FHIT: variants seen among roughly 807,000 people sequenced by gnomAD.
FHIT encodes the protein bis(5'-adenosyl)-triphosphatase.
A neutral mutation model predicts 17.9 loss-of-function variants in FHIT; 19 were observed. The observed-to-expected ratio is 1.06, with a 90% CI of 0.74 to 1.56. The LOEUF is 1.56. Ranked by LOEUF, FHIT falls within the 40% of genes most tolerant of loss-of-function variation. FHIT has a pLI of 0.00. For synonymous variants in FHIT, 81 were observed against 69.7 expected (o/e 1.16, Z -0.81); for missense variants, 248 against 189.2 (o/e 1.31, Z -1.82).
At chr3:61,065,936 C>A (rs756730516) in intron 2 of FHIT, among the ~76,000 whole-genome samples, 1 of 152,104 alleles carries the variant, frequency 6.6e-6, no homozygotes, top group Non-Finnish European at 1.5e-5. Flanking sequence ...CTTTGTGCCG[C>A]TATAACAGGA....
At chr3:60,344,356 A>G (rs1017173876) in intron 5 of FHIT, among the ~76,000 whole-genome samples, 2 of 152,236 alleles carry the variant, frequency 1.3e-5, no homozygotes, top group African/African-American at 4.8e-5. Flanking sequence ...ATAGCAATCT[A>G]GAAGAGTGAA....
intron 5 of FHIT, among the ~76,000 whole-genome samples, chr3:60,475,617 C>T (rs780720433): frequency 3.3e-5 from 5 of 152,178 alleles, no homozygotes; most frequent in Non-Finnish European, 5.9e-5. Flanking sequence ...GTTTTGTCAT[C>T]ACTTTGATAC....
At chr3:60,936,495 T>C (rs2107391524) in intron 3 of FHIT, among the ~76,000 whole-genome samples, 1 of 152,346 alleles carries the variant, frequency 6.6e-6, no homozygotes, top group African/African-American at 2.4e-5. Flanking sequence ...TGAAGCTCTA[T>C]ATGTAAAATG....
At chr3:60,364,906 G>A (rs1235071480) in intron 5 of FHIT, among the ~76,000 whole-genome samples, 1 of 152,052 alleles carries the variant, frequency 6.6e-6, no homozygotes, top group Non-Finnish European at 1.5e-5. Flanking sequence ...CTGGTTCTTG[G>A]ACCTTGGGCC....
At chr3:60,304,992 C>T (rs932273) in intron 5 of FHIT, among the ~76,000 whole-genome samples, 67,559 of 151,994 alleles carry the variant, frequency 0.44, 16,370 homozygotes, top group East Asian at 0.84. Context: ...AGGATACAGA[C>T]ATTGAATGTA....
intron 5 of FHIT, among the ~76,000 whole-genome samples, chr3:60,268,135 A>G (rs759551477): frequency 2.6e-5 from 4 of 152,160 alleles, no homozygotes; most frequent in African/African-American, 4.8e-5. Flanking sequence ...GGTAACTACA[A>G]AAAGCTTTTC....
chr3:60,116,027 G>C (rs1704942322), intron 5 of FHIT, among the ~76,000 whole-genome samples: 1 of 152,030 alleles, frequency 6.6e-6, no homozygotes, highest in Non-Finnish European at 1.5e-5. Flanking sequence ...TAATAAATTG[G>C]AAGTGTATTA....
chr3:60,619,230 T>C (rs1212648719), intron 4 of FHIT, among the ~76,000 whole-genome samples: 2 of 152,182 alleles, frequency 1.3e-5, no homozygotes, highest in African/African-American at 4.8e-5. Flanking sequence ...TCACTGTCGT[T>C]GTTTACAATA....
rs148269801 is a variant in FHIT at position 60,057,603 on chromosome 3, C to T, written c.104-43451G>A. Among the ~76,000 whole-genome samples the T allele has an allele frequency of 9.4e-4, 142 of 151,742 alleles. 1 individual carries two copies. Among genetic ancestry groups the T allele is most frequent in the African/African-American group, 3.2e-3 (133 of 41,336 alleles). On this transcript the variant is annotated intron_variant, in intron 5 of 9. Coordinates refer to ENST00000492590, the MANE Select transcript of FHIT (RefSeq NM_002012.4). ...TCCCATAGATAGTTTTTTGGATAGA[C>T]GTAGAAATTGACCTTTGTGGTCTTA...
intron 5 of FHIT, among the ~76,000 whole-genome samples, chr3:60,215,116 G>A (rs1035599450): frequency 1.3e-5 from 2 of 151,824 alleles, no homozygotes; most frequent in African/African-American, 4.8e-5. Flanking sequence ...AAGCTTCAGC[G>A]ACACTCAGTT....
chr3:59,902,052 A>T (rs1479842480), intron 8 of FHIT, among the ~76,000 whole-genome samples: 1 of 152,206 alleles, frequency 6.6e-6, no homozygotes, highest in African/African-American at 2.4e-5. Context: ...TATATCAGAC[A>T]GGGGATTAAA....
At chr3:60,262,103 G>T (rs1264561893) in intron 5 of FHIT, among the ~76,000 whole-genome samples, 1 of 151,992 alleles carries the variant, frequency 6.6e-6, no homozygotes, top group Non-Finnish European at 1.5e-5. Context: ...AAATAAAGTT[G>T]TATGTTTTTC....
intron 5 of FHIT, among the ~76,000 whole-genome samples, chr3:60,276,008 G>C (rs1236588336): frequency 1.4e-5 from 2 of 143,312 alleles, no homozygotes; most frequent in African/African-American, 5.2e-5. Flanking sequence ...TTTTTTTTGA[G>C]ATGGAGTCTC....
At position 60,448,426 on chromosome 3, in the gene FHIT, AAAAG is replaced by A. The variant is rs1459262393; in HGVS notation, c.103+88430_103+88433del. On this transcript the variant is annotated intron_variant, in intron 5 of 9. Coordinates refer to ENST00000492590, the MANE Select transcript of FHIT (RefSeq NM_002012.4). Reference sequence around the variant, plus strand: ...GGTATCAACTGATGTCCAAAAAATAAAAAGAAGAGCATTTTCTGTATGTGGTAGG... The same window carrying A: ...GGTATCAACTGATGTCCAAAAAATAAAAGAGCATTTTCTGTATGTGGTAGG... Among the ~76,000 whole-genome samples, 11 of 152,220 alleles carry A rather than the reference AAAAG, an allele frequency of 7.2e-5. 1 individual carries two copies. The highest frequency in any genetic ancestry group is 1.5e-5 in the Non-Finnish European group (1 of 68,050).
At chr3:60,801,880 G>T (rs2106666216) in intron 4 of FHIT, among the ~76,000 whole-genome samples, 1 of 152,258 alleles carries the variant, frequency 6.6e-6, no homozygotes, top group South Asian at 2.1e-4. Context: ...ATTTTTAATG[G>T]CAAACAGTGA....
chr3:60,505,773 G>T (rs1339697782), intron 5 of FHIT, among the ~76,000 whole-genome samples: 1 of 152,122 alleles, frequency 6.6e-6, no homozygotes, highest in Non-Finnish European at 1.5e-5. Context: ...TTAGATTTCT[G>T]CTATCCCATT....
chr3:59,878,524 T>C (rs1703263249), intron 8 of FHIT, among the ~76,000 whole-genome samples: 1 of 152,222 alleles, frequency 6.6e-6, no homozygotes, highest in Non-Finnish European at 1.5e-5. Flanking sequence ...TCACGCATTG[T>C]AAAGAAATGC....
At chr3:60,699,536 A>G (rs756877619) in intron 4 of FHIT, among the ~76,000 whole-genome samples, 2 of 152,146 alleles carry the variant, frequency 1.3e-5, no homozygotes, top group Non-Finnish European at 2.9e-5. Flanking sequence ...ATACGTTTCA[A>G]ATGGTAATTT....
At chr3:60,237,031 T>C (rs186754197) in intron 5 of FHIT, among the ~76,000 whole-genome samples, 1 of 152,286 alleles carries the variant, frequency 6.6e-6, no homozygotes, top group East Asian at 1.9e-4. Context: ...CATTCCACAC[T>C]TTGGATATAC....
Sources: allele counts gnomAD v4.1 joint callset (sites outside exome capture counted in the v4.1 genomes callset), GRCh38; gene constraint gnomAD v4.1.1; transcripts MANE v1.5; gene names NCBI Gene and HGNC (gene_info 2026-07-23, HGNC 2026-07-21).